Variants in ZNF618 observed in about 807,000 individuals in gnomAD.
ZNF618 encodes zinc finger protein 618, also known as neural precursor cell expressed, developmentally down-regulated 10.
ZNF618 carries 34 observed loss-of-function variants against 103.0 expected under a neutral mutation model. The ratio of observed to expected loss-of-function variants is 0.33; its 90% CI spans 0.25 to 0.44. The LOEUF is 0.44. ZNF618 is among the 20% of genes least tolerant of loss of function. The probability of loss-of-function intolerance (pLI) is 1.00; values close to 1 mark genes in which losing one functional copy is unlikely to be tolerated. For synonymous variants in ZNF618, 551 were observed against 542.2 expected, an observed-to-expected ratio of 1.02 and a Z score of -0.23; for missense variants, 1,059 against 1,295.4, an observed-to-expected ratio of 0.82 and a Z score of 2.80.
At chr9:113,901,605 C>A (rs1830556920) in intron 1 of ZNF618, among the ~76,000 whole-genome samples, 1 of 152,198 alleles carries the variant, frequency 6.6e-6, no homozygotes, top group African/African-American at 2.4e-5. Context: ...GACCTTGTTC[C>A]CTGGCCAGAG....
At chr9:113,962,806 C>G (rs1418702940) in intron 1 of ZNF618, among the ~76,000 whole-genome samples, 2 of 152,176 alleles carry the variant, frequency 1.3e-5, no homozygotes, top group Admixed American at 1.3e-4. Flanking sequence ...TCATGACTCC[C>G]CCGCCTCCCC....
intron 1 of ZNF618, among the ~76,000 whole-genome samples, chr9:113,889,809 G>T (rs555016998): frequency 6.6e-6 from 1 of 152,202 alleles, no homozygotes; most frequent in African/African-American, 2.4e-5. Flanking sequence ...CTGTTCTTCT[G>T]TCTATCCCAA....
chr9:114,021,810 A>T (rs1251219556), intron 10 of ZNF618, among the ~76,000 whole-genome samples: 1 of 152,134 alleles, frequency 6.6e-6, no homozygotes, highest in Admixed American at 6.5e-5. Context: ...AATTTTACAT[A>T]TATGGAATCT....
intron 9 of ZNF618, among the ~76,000 whole-genome samples, chr9:114,013,871 C>T (rs1184263072): frequency 1.3e-5 from 2 of 152,172 alleles, no homozygotes; most frequent in African/African-American, 2.4e-5. Flanking sequence ...TTCTTAGGCC[C>T]TACTCCAGAC....
chr9:113,977,423 A>C (rs766698664), intron 2 of ZNF618, among the ~76,000 whole-genome samples: 3 of 152,180 alleles, frequency 2.0e-5, no homozygotes, highest in Non-Finnish European at 4.4e-5. Context: ...TTAGACGTCC[A>C]GTGTGAGGGC....
intron 4 of ZNF618, 46 bp downstream of exon 4, chr9:113,998,400 G>A: frequency 6.7e-6 from 10 of 1,497,184 alleles, no homozygotes; most frequent in Non-Finnish European, 8.2e-6. Context: ...GCCAGTATGG[G>A]TGGGGGCACA....
Position 113,988,526 on chromosome 9 carries a change from G to C in ZNF618, c.283G>C (p.Val95Leu), listed in dbSNP as rs201855820. 7.4e-6 allele frequency: 12 copies of C among 1,612,310 alleles called. No homozygotes were observed. The highest frequency in any genetic ancestry group is 1.3e-5 in the African/African-American group (1 of 74,926). The change falls in exon 3 of 15, where the codon GTG (valine) becomes CTG (leucine). Residue 95 changes from valine to leucine, a missense_variant. Physicochemically the swap from Val to Leu is conservative, Grantham distance 32. Around this residue, in one of 6 missense-constraint regions of ZNF618, gnomAD observed 194 missense variants for 209.0 expected, o/e 0.93. Transcript: ENST00000374126. ...KAVSKDGTSD[V>L]PAEICVVIGG... ...GGTCAGCAAGGATGGGACCAGCGAC[G>C]TGCCTGCCGAGATCTGCGTGGTGAT...
intron 1 of ZNF618, among the ~76,000 whole-genome samples, chr9:113,878,621 G>A (rs1172301128): frequency 6.6e-6 from 1 of 152,194 alleles, no homozygotes; most frequent in Non-Finnish European, 1.5e-5. Flanking sequence ...TGGGGATTTT[G>A]AGCCTATCCC....
chr9:113,917,972 C>T (rs1832278570), intron 1 of ZNF618, among the ~76,000 whole-genome samples: 1 of 152,076 alleles, frequency 6.6e-6, no homozygotes, highest in African/African-American at 2.4e-5. Flanking sequence ...ACCAATGGCC[C>T]CATTAATGGT....
chr9:114,015,274 A>G (rs1489682359), intron 9 of ZNF618, among the ~76,000 whole-genome samples: 2 of 152,260 alleles, frequency 1.3e-5, no homozygotes, highest in Admixed American at 6.5e-5. Context: ...TCCTTAATCT[A>G]CAAAGAGTTT....
intron 1 of ZNF618, among the ~76,000 whole-genome samples, chr9:113,958,837 T>TG (rs1836560070): frequency 1.3e-5 from 2 of 152,176 alleles, no homozygotes; most frequent in African/African-American, 4.8e-5. Flanking sequence ...CAACTGGTCT[T>TG]GGTGTCTGTC....
At chr9:113,963,174 C>T (rs968877314) in intron 1 of ZNF618, among the ~76,000 whole-genome samples, 1 of 152,204 alleles carries the variant, frequency 6.6e-6, no homozygotes, top group Non-Finnish European at 1.5e-5. Flanking sequence ...TGGGCAGGTC[C>T]TGGGTTGGTG....
chr9:114,004,734 A>G (rs936677004), intron 6 of ZNF618, among the ~76,000 whole-genome samples: 2 of 152,212 alleles, frequency 1.3e-5, no homozygotes, highest in African/African-American at 4.8e-5. Context: ...AAGCCTGGCC[A>G]TGGAGTCATG....
chr9:113,946,619 G>A (rs967808850), intron 1 of ZNF618, among the ~76,000 whole-genome samples: 1 of 152,150 alleles, frequency 6.6e-6, no homozygotes, highest in African/African-American at 2.4e-5. Flanking sequence ...GCGAGGTAGG[G>A]GGCAAGCTGC....
chr9:113,957,760 C>T (rs1836444027), intron 1 of ZNF618, among the ~76,000 whole-genome samples: 1 of 151,290 alleles, frequency 6.6e-6, no homozygotes, highest in South Asian at 2.1e-4. Flanking sequence ...GTTTGCAACC[C>T]TTTGTATTTA....
chr9:113,998,173 C>T, intron 3 of ZNF618, 86 bp from the exon 4 acceptor site: 2 of 1,261,046 alleles, frequency 1.6e-6, no homozygotes, highest in East Asian at 2.5e-5. Context: ...CCACGCTTCT[C>T]AAAGTGCAGC....
At chr9:113,884,288 C>G (rs1828840423) in intron 1 of ZNF618, among the ~76,000 whole-genome samples, 1 of 152,142 alleles carries the variant, frequency 6.6e-6, no homozygotes, top group South Asian at 2.1e-4. Flanking sequence ...GCACGGCTCC[C>G]CTCTCTGCTC....
At chr9:113,921,272 T>TA (rs2131638893) in intron 1 of ZNF618, among the ~76,000 whole-genome samples, 2 of 152,326 alleles carry the variant, frequency 1.3e-5, no homozygotes, top group South Asian at 4.1e-4. Context: ...AGGCCAGTGT[T>TA]ATGCACCTAG....
intron 3 of ZNF618, among the ~76,000 whole-genome samples, chr9:113,992,871 C>T (rs376837095): frequency 2.3e-4 from 35 of 152,276 alleles, no homozygotes; most frequent in African/African-American, 6.5e-4. Context: ...CTGCCAAGTT[C>T]GCAATGGTTG....
Sources: gnomAD v4.1 joint callset for allele counts (sites outside exome capture counted in the v4.1 genomes callset) on GRCh38, gnomAD v4.1.1 for gene constraint, gnomAD v4.1.1 regional missense constraint, MANE v1.5 for transcripts, NCBI Gene and HGNC (gene_info 2026-07-23, HGNC 2026-07-21) for gene names.